Variants in KLF5 observed in about 807,000 individuals in gnomAD.
KLF5 encodes the protein Krueppel-like factor 5.
A neutral mutation model predicts 36.9 loss-of-function variants in KLF5; 9 were observed. The ratio of observed to expected loss-of-function variants is 0.24; its 90% CI spans 0.15 to 0.43. The LOEUF is 0.43. KLF5 is among the 20% of genes least tolerant of loss of function. The pLI, the probability that KLF5 is intolerant of heterozygous loss-of-function variation, is 1.00. For synonymous variants in KLF5, 246 were observed against 241.7 expected, an observed-to-expected ratio of 1.02 and a Z score of -0.17; for missense variants, 524 against 599.5, an observed-to-expected ratio of 0.87 and a Z score of 1.31.
chr13:73,074,615 CAG>C (rs949903934), intron 3 of KLF5, among the ~76,000 whole-genome samples: 116 of 152,158 alleles, frequency 7.6e-4, no homozygotes, highest in Non-Finnish European at 8.2e-4. Context: ...TCTTCACAAA[CAG>C]AGAATTAAGA....
Position 73,077,037 on chromosome 13 carries a change from CTT to C in KLF5, c.*1152_*1153del, listed in dbSNP as rs1324626968. 6.6e-6 allele frequency: 1 copy of C among 152,422 alleles called. No individual in the cohort carries two copies. Among genetic ancestry groups the C allele is most frequent in the African/African-American group, 2.4e-5 (1 of 41,382 alleles). The allele number at this position is 152,422 out of a possible 1,614,324, so 9.4% of individuals were successfully genotyped here. ...TTAAATATAAATGATATGTTGAAAA[CTT>C]AAGGAAGCAAATGCTACATATATGC... On this transcript the variant is annotated 3_prime_UTR_variant, in exon 4 of 4. Transcript: ENST00000377687.
intron 3 of KLF5, among the ~76,000 whole-genome samples, chr13:73,069,856 C>CTAAA (rs1483112572): frequency 6.6e-6 from 1 of 152,074 alleles, no homozygotes; most frequent in African/African-American, 2.4e-5. Flanking sequence ...TGTTCATAGA[C>CTAAA]TAAATAGAAT....
intron 2 of KLF5, 67 bp from the exon 3 acceptor site, chr13:73,063,757 C>T: frequency 1.8e-6 from 2 of 1,100,776 alleles, no homozygotes; most frequent in Non-Finnish European, 2.8e-6. Context: ...ATTTTAAACA[C>T]TGAATCATCA....
At chr13:73,060,880 T>C (rs993159424) in intron 1 of KLF5, among the ~76,000 whole-genome samples, 6 of 152,252 alleles carry the variant, frequency 3.9e-5, no homozygotes, top group Admixed American at 2.0e-4. Context: ...AGCTGGTTTA[T>C]AGCCTAGAAA....
At chr13:73,059,756 C>G (rs9592878) in intron 1 of KLF5, 168 bp downstream of exon 1, 4 of 603,276 alleles carry the variant, frequency 6.6e-6, no homozygotes, top group Non-Finnish European at 8.1e-6. Context: ...CGGGGCCCCG[C>G]GTTTCGCTGA....
In KLF5 at chr13:73,062,579, C is replaced by T; in HGVS notation, c.980C>T (p.Ser327Phe). Residue 327 changes from serine (S) to phenylalanine (F), a missense_variant, in exon 2 of 4, where the codon TCC (serine) becomes TTC (phenylalanine). By Grantham distance (155) the Ser-to-Phe change is radical (BLOSUM62 -2). Coordinates refer to ENST00000377687, the MANE Select transcript of KLF5 (RefSeq NM_001730.5). ...EMLQNLTPPPSYAATIASKLA... is the reference protein window; with the variant it reads ...EMLQNLTPPPFYAATIASKLA... ...CTCCAGAATTTAACCCCACCTCCAT[C>T]CTATGCTGCTACAATTGCTTCTAAA... 6.2e-7 allele frequency: 1 copy of T among 1,614,262 alleles called. No individual in the cohort carries two copies. Among genetic ancestry groups the T allele is most frequent in the Non-Finnish European group, 8.5e-7 (1 of 1,180,042 alleles).
At chr13:73,059,647 CTGCGACT>C (rs2044615465) in intron 1 of KLF5, 59 bp downstream of exon 1, 4 of 1,110,888 alleles carry the variant, frequency 3.6e-6, no homozygotes, top group Non-Finnish European at 4.4e-6. Flanking sequence ...TGTCCCGTTG[CTGCGACT>C]CGCGGGCGAC....
At chr13:73,057,135 G>T (rs1411644586), upstream of KLF5, among the ~76,000 whole-genome samples, 1 of 152,126 alleles carries the variant, frequency 6.6e-6, no homozygotes, top group African/African-American at 2.4e-5. Context: ...TACAGCTACC[G>T]AATGTATTAA....
At position 73,076,158 on chromosome 13, in the gene KLF5, G is replaced by C. The variant is rs566650164; in HGVS notation, c.*272G>C. Reference sequence around the variant, plus strand: ...GACAGGCAGCCACGTCTCAACATGGGTAAGGGGTGGGGGTGGAGGGGAGTG... The same window carrying C: ...GACAGGCAGCCACGTCTCAACATGGCTAAGGGGTGGGGGTGGAGGGGAGTG... On this transcript the variant is annotated 3_prime_UTR_variant, in exon 4 of 4. Coordinates refer to ENST00000377687, the MANE Select transcript of KLF5 (RefSeq NM_001730.5). 71 of 236,104 alleles carry C rather than the reference G, an allele frequency of 3.0e-4. No homozygotes were observed. Among genetic ancestry groups the C allele is most frequent in the African/African-American group, 1.6e-3 (70 of 44,278 alleles). 14.6% of individuals were successfully genotyped at this position (236,104 alleles called of 1,614,324 possible).
chr13:73,059,775 G>GC, intron 1 of KLF5, 187 bp downstream of exon 1: 1 of 120,878 alleles, frequency 8.3e-6, no homozygotes, highest in East Asian at 3.0e-3. Flanking sequence ...GAGAGTAAAT[G>GC]GGGGGGGGGG....
intron 3 of KLF5, 110 bp from the exon 4 acceptor site, chr13:73,075,598 T>C (rs1389903756): frequency 2.2e-6 from 2 of 903,680 alleles, no homozygotes; most frequent in Non-Finnish European, 1.7e-6. Flanking sequence ...TGAGCTTTCC[T>C]TCTTTCGCTT....
intron 3 of KLF5, among the ~76,000 whole-genome samples, chr13:73,073,802 A>G (rs1024328590): frequency 1.3e-5 from 2 of 152,228 alleles, no homozygotes; most frequent in African/African-American, 4.8e-5. Flanking sequence ...TACAAATGTG[A>G]TAGCTATATT....
In KLF5 at chr13:73,063,983, C is replaced by CTTTTTTTTTTTTTTTTTTT. The variant is rs67730943; in HGVS notation, c.1195+103_1195+104insTTTTTTTTTTTTTTTTTTT. 4 of 332,714 alleles carry CTTTTTTTTTTTTTTTTTTT rather than the reference C, an allele frequency of 1.2e-5. 2 individuals carry two copies. Among genetic ancestry groups the CTTTTTTTTTTTTTTTTTTT allele is most frequent in the Non-Finnish European group, 1.1e-5 (2 of 188,724 alleles). The allele number at this position is 332,714 out of a possible 1,614,324, so 20.6% of individuals were successfully genotyped here. A position where few individuals can be genotyped will look rare whatever the true frequency, so the allele number is the denominator to read the frequency against. On this transcript the variant is annotated intron_variant, in intron 3 of 3. Transcript: ENST00000377687. ...CGTGTTTGATCTCTTCTCCTGTCAA[C>CTTTTTTTTTTTTTTTTTTT]TTTGTTTTTTTTTTTTTTTTTAAAT...
At chr13:73,064,754 G>A (rs1164889751) in intron 3 of KLF5, among the ~76,000 whole-genome samples, 1 of 152,138 alleles carries the variant, frequency 6.6e-6, no homozygotes, top group Non-Finnish European at 1.5e-5. Flanking sequence ...ATGTTGGCCA[G>A]GCTGGTCTCC....
intron 1 of KLF5, 157 bp downstream of exon 1, chr13:73,059,745 C>G: frequency 3.0e-6 from 2 of 667,584 alleles, no homozygotes; most frequent in Non-Finnish European, 3.7e-6. Flanking sequence ...GCACGCCTGG[C>G]CGGGGCCCCG....
At position 73,062,037 on chromosome 13, in the gene KLF5, G is replaced by C; in HGVS notation, c.438G>C (p.Leu146=). ...MNVFLPDITH[L]RTGLYKSQRP... is the part of the protein sequence containing the mutation. Reference sequence around the variant, plus strand: ...TCTTCCTCCCTGACATCACTCACCTGAGAACTGGCCTCTACAAATCCCAGA... The same window carrying C: ...TCTTCCTCCCTGACATCACTCACCTCAGAACTGGCCTCTACAAATCCCAGA... The change falls in exon 2 of 4, where the codon CTG becomes CTC. Residue 146 remains leucine (L), a synonymous_variant. Coordinates refer to ENST00000377687, the MANE Select transcript of KLF5 (RefSeq NM_001730.5). 4 of 1,614,072 alleles carry C rather than the reference G, an allele frequency of 2.5e-6. No homozygotes were observed. Among genetic ancestry groups the C allele is most frequent in the Non-Finnish European group, 3.4e-6 (4 of 1,180,022 alleles).
At chr13:73,054,980 T>C (rs2044575349), upstream of KLF5, 1 of 152,222 alleles carries the variant, frequency 6.6e-6, no homozygotes, top group Non-Finnish European at 1.5e-5. Flanking sequence ...GTAACCACTT[T>C]AGCTCAGACC....
Position 73,076,452 on chromosome 13 carries a change from A to G in KLF5, c.*566A>G, listed in dbSNP as rs1399596649. 3.3e-5 allele frequency: 5 copies of G among 152,654 alleles called. No individual in the cohort carries two copies. The highest frequency in any genetic ancestry group is 1.2e-4 in the African/African-American group (5 of 41,460). The allele number at this position is 152,654 out of a possible 1,614,324, so 9.5% of individuals were successfully genotyped here. A position where few individuals can be genotyped will look rare whatever the true frequency, so the allele number is the denominator to read the frequency against. ...TCAAAATTTTGTAAATATGCAAATC[A>G]GCTTTATAGGTTTATTACAAGTTTT... On this transcript the variant is annotated 3_prime_UTR_variant, in exon 4 of 4. Coordinates refer to ENST00000377687, the MANE Select transcript of KLF5 (RefSeq NM_001730.5).
In KLF5 at chr13:73,061,961, A is replaced by C; in HGVS notation, c.362A>C (p.Asp121Ala). The C allele has an allele frequency of 6.2e-7, 1 of 1,614,136 alleles. No homozygotes were observed. Among genetic ancestry groups the C allele is most frequent in the South Asian group, 1.1e-5 (1 of 91,080 alleles). ...AGACGAGACAGTGCCTCAGTCGTAG[A>C]CCAGTTCTTCACTGACACTGAAGGG... ...KYRRDSASVV[D>A]QFFTDTEGLP... Residue 121 changes from aspartate (D) to alanine (A), a missense_variant, in exon 2 of 4, where the codon GAC (aspartate) becomes GCC (alanine). Asp to Ala is a moderately radical substitution (Grantham distance 126). Around this residue, in one of 4 missense-constraint regions of KLF5, gnomAD observed 454 missense variants for 458.1 expected, o/e 0.99. Coordinates refer to ENST00000377687, the MANE Select transcript of KLF5 (RefSeq NM_001730.5).
Sources: allele counts gnomAD v4.1 joint callset (sites outside exome capture counted in the v4.1 genomes callset), GRCh38; gene constraint gnomAD v4.1.1; regional missense constraint gnomAD v4.1.1; transcripts MANE v1.5; gene names NCBI Gene and HGNC (gene_info 2026-07-23, HGNC 2026-07-21).